The following CALD1 variants were observed in gnomAD, a reference collection of about 807,000 sequenced individuals.
The protein encoded by CALD1 is caldesmon 1, also known as caldesmon.
A neutral mutation model predicts 99.9 loss-of-function variants in CALD1; 33 were observed. The ratio of observed to expected loss-of-function variants is 0.33; its 90% CI spans 0.25 to 0.44. CALD1 has a LOEUF of 0.44. Among genes scored for constraint, CALD1 ranks in the 20% least tolerant of loss-of-function variants. The pLI is 1.00. For synonymous variants in CALD1, 310 were observed against 325.0 expected (o/e 0.95, Z 0.50); for missense variants, 861 against 962.1 (o/e 0.89, Z 1.39).
At chr7:134,944,905 G>A (rs934282749) in intron 7 of CALD1, among the ~76,000 whole-genome samples, 5 of 152,170 alleles carry the variant, frequency 3.3e-5, no homozygotes, top group African/African-American at 1.2e-4. Context: ...GCATTCTACT[G>A]AAGTTCTACT....
chr7:134,863,175 G>T (rs1800636317), intron 2 of CALD1, among the ~76,000 whole-genome samples: 1 of 152,098 alleles, frequency 6.6e-6, no homozygotes, highest in Non-Finnish European at 1.5e-5. Context: ...AGAAAATGTG[G>T]GCAGGAGTTG....
At position 134,959,106 on chromosome 7, in the gene CALD1, T is replaced by C. The variant is rs144207746; in HGVS notation, c.2061+816T>C. Among the ~76,000 whole-genome samples, 1,090 of 151,958 alleles carry C rather than the reference T, an allele frequency of 7.2e-3. 11 individuals carry two copies. Among genetic ancestry groups the C allele is most frequent in the Non-Finnish European group, 0.012 (792 of 67,954 alleles). Reference sequence around the variant, plus strand: ...AATAAATACTTGTATAACTAGTTACTATCTTTCCTTTCTATTAAAATATAA... The same window carrying C: ...AATAAATACTTGTATAACTAGTTACCATCTTTCCTTTCTATTAAAATATAA... On this transcript the variant is annotated intron_variant, in intron 11 of 14. Coordinates refer to ENST00000361675, the MANE Select transcript of CALD1 (RefSeq NM_033138.4).
chr7:134,896,047 A>G (rs1802547927), intron 3 of CALD1, among the ~76,000 whole-genome samples: 1 of 151,388 alleles, frequency 6.6e-6, no homozygotes, highest in African/African-American at 2.4e-5. Flanking sequence ...CCGCCAAACT[A>G]CTCACCCTGC....
chr7:134,965,068 A>G (rs1808566513), intron 13 of CALD1: 2 of 381,542 alleles, frequency 5.2e-6, no homozygotes, highest in Non-Finnish European at 9.9e-6. Context: ...GTGAGCCAAG[A>G]TCACGCCACT....
Position 134,968,425 on chromosome 7 carries a change from A to C in CALD1, c.*80A>C. ...GGCTAATTCGCTCTGTTTTGTATTT[A>C]TGTTGATTTACTAAATTGGGTTCAT... On this transcript the variant is annotated 3_prime_UTR_variant, in exon 15 of 15. Coordinates refer to ENST00000361675, the MANE Select transcript of CALD1 (RefSeq NM_033138.4). 1 of 1,264,346 alleles carries C rather than the reference A, an allele frequency of 7.9e-7. No individual in the cohort carries two copies. Among genetic ancestry groups the C allele is most frequent in the Non-Finnish European group, 1.2e-6 (1 of 862,616 alleles). 78.3% of individuals were successfully genotyped at this position (1,264,346 alleles called of 1,614,324 possible).
upstream of CALD1, among the ~76,000 whole-genome samples, chr7:134,743,887 G>A (rs922388234): frequency 6.6e-6 from 1 of 152,204 alleles, no homozygotes; most frequent in Non-Finnish European, 1.5e-5. Flanking sequence ...GAATTCACAT[G>A]CGTAAAGTTG....
intron 3 of CALD1, among the ~76,000 whole-genome samples, chr7:134,906,841 T>C (rs1563085095): frequency 6.6e-6 from 1 of 152,178 alleles, no homozygotes; most frequent in Admixed American, 6.5e-5. Flanking sequence ...CTGGGGGAAG[T>C]TGAGGACTTA....
chr7:134,844,004 G>A (rs1331527115), intron 2 of CALD1, 33 bp downstream of exon 2: 3 of 152,004 alleles, frequency 2.0e-5, no homozygotes, highest in Non-Finnish European at 4.4e-5. Context: ...TAATACTTTG[G>A]GCTCTGCTCT....
At chr7:134,942,489 T>C (rs1308299118) in intron 7 of CALD1, among the ~76,000 whole-genome samples, 1 of 152,180 alleles carries the variant, frequency 6.6e-6, no homozygotes, top group African/African-American at 2.4e-5. Context: ...AATAAAATGA[T>C]GAAGGTGTAA....
At chr7:134,862,494 A>C (rs1332740234) in intron 2 of CALD1, among the ~76,000 whole-genome samples, 1 of 152,198 alleles carries the variant, frequency 6.6e-6, no homozygotes, top group East Asian at 1.9e-4. Flanking sequence ...TATGATTCCA[A>C]CTATATGATA....
At position 134,960,015 on chromosome 7, in the gene CALD1, T is replaced by C. The variant is rs1270098322; in HGVS notation, c.2103T>C (p.Asp701=). ...AACCTACAAAGCCGGCAGCCTCGGA[T>C]CTTCCTGTTCCTGCTGAAGGTGTAC... ...SAKPTKPAAS[D]LPVPAEGVRN... is the part of the protein sequence containing the mutation. Residue 701 remains aspartate (D), a synonymous_variant, in exon 12 of 15, where the codon GAT becomes GAC. Transcript: ENST00000361675. 2.5e-5 allele frequency: 40 copies of C among 1,614,012 alleles called. No homozygotes were observed. Among genetic ancestry groups the C allele is most frequent in the Non-Finnish European group, 3.2e-5 (38 of 1,180,014 alleles).
chr7:134,945,376 A>G (rs1028083615), intron 7 of CALD1, among the ~76,000 whole-genome samples: 3 of 152,212 alleles, frequency 2.0e-5, no homozygotes, highest in Non-Finnish European at 4.4e-5. Context: ...AGAGGTGGAG[A>G]GATGGAATAA....
chr7:134,929,362 C>T (rs182613322), intron 4 of CALD1, among the ~76,000 whole-genome samples: 99 of 151,778 alleles, frequency 6.5e-4, no homozygotes, highest in Middle Eastern at 3.4e-3. Context: ...GTACACACCA[C>T]GCCCAATGCG....
the CALD1 span, among the ~76,000 whole-genome samples, chr7:134,733,098 A>G: frequency 6.6e-6 from 1 of 152,216 alleles, no homozygotes; most frequent in East Asian, 1.9e-4. Context: ...TCTCCTCTTG[A>G]GCGCTGAACC....
At chr7:134,808,139 C>T (rs1267960924) in intron 1 of CALD1, among the ~76,000 whole-genome samples, 2 of 149,546 alleles carry the variant, frequency 1.3e-5, no homozygotes, top group East Asian at 3.9e-4. Flanking sequence ...CTTACTTTGT[C>T]GCCCAGGCTT....
At chr7:134,765,977 T>G (rs1207433310) in intron 1 of CALD1, among the ~76,000 whole-genome samples, 1 of 151,952 alleles carries the variant, frequency 6.6e-6, no homozygotes, top group Non-Finnish European at 1.5e-5. Context: ...TCTCTCTCTC[T>G]CTCTAGCTAG....
intron 3 of CALD1, among the ~76,000 whole-genome samples, chr7:134,890,140 C>A (rs1235768402): frequency 6.6e-6 from 1 of 152,188 alleles, no homozygotes; most frequent in Non-Finnish European, 1.5e-5. Context: ...AACTCCTGAC[C>A]TTGATCCACC....
At chr7:134,788,249 C>A (rs1423791110) in intron 1 of CALD1, among the ~76,000 whole-genome samples, 1 of 152,212 alleles carries the variant, frequency 6.6e-6, no homozygotes, top group Non-Finnish European at 1.5e-5. Flanking sequence ...TTAGTTACAT[C>A]TATTGTGGCT....
intron 8 of CALD1, among the ~76,000 whole-genome samples, chr7:134,949,630 A>C (rs943127027): frequency 2.0e-5 from 3 of 152,168 alleles, no homozygotes; most frequent in Non-Finnish European, 4.4e-5. Context: ...ACAGATTTAG[A>C]TAGCTTTTCA....
Sources: gnomAD v4.1 joint callset for allele counts (sites outside exome capture counted in the v4.1 genomes callset) on GRCh38, gnomAD v4.1.1 for gene constraint, MANE v1.5 for transcripts, NCBI Gene and HGNC (gene_info 2026-07-23, HGNC 2026-07-21) for gene names.